The following EXOC1 variants were observed in gnomAD, a reference collection of about 807,000 sequenced individuals.
The protein encoded by EXOC1 is SEC3-like 1.
A neutral mutation model predicts 107.7 loss-of-function variants in EXOC1; 67 were observed. The ratio of observed to expected loss-of-function variants is 0.62; its 90% confidence interval spans 0.51 to 0.76. The LOEUF (loss-of-function observed/expected upper bound fraction) is 0.76, where lower values mean the gene tolerates loss of function less well. EXOC1 is among the 30% of genes least tolerant of loss of function. The pLI, the probability that EXOC1 is intolerant of heterozygous loss-of-function variation, is 0.00. For synonymous variants in EXOC1, 348 were observed against 353.5 expected, an observed-to-expected ratio of 0.98 and a Z score of 0.17; for missense variants, 833 against 1,055.7, an observed-to-expected ratio of 0.79 and a Z score of 2.92.
At chr4:55,877,571 A>G (rs1421924451) in intron 8 of EXOC1, 1 of 985,404 alleles carries the variant, frequency 1.0e-6, no homozygotes, top group African/African-American at 1.7e-5. Context: ...AAGCTATATC[A>G]AGAAGGTCAT....
chr4:55,876,176 A>G (rs1437496803), intron 8 of EXOC1: 2 of 985,308 alleles, frequency 2.0e-6, no homozygotes, highest in African/African-American at 3.5e-5. Context: ...TACAGAAAAG[A>G]TATGGTAGCC....
rs1025746092 is a variant in EXOC1 at position 55,890,371 on chromosome 4, G to A, written c.1524G>A (p.Arg508=). The change falls in exon 12 of 19, where the codon AGG becomes AGA. Residue 508 remains arginine, a synonymous_variant. Transcript: ENST00000381295. ...CCTCTGATCTCGATGTTGCTGACAG[G>A]ACCAAATTTGATAAGGTAAACTAAA... is the stretch of plus-strand genomic sequence containing the variant. The part of the protein sequence containing the change: ...MSASDLDVAD[R]TKFDKIFEQV... The A allele has an allele frequency of 9.9e-6, 16 of 1,613,562 alleles. No homozygotes were observed. The highest frequency in any genetic ancestry group is 1.2e-5 in the Non-Finnish European group (14 of 1,179,854).
At chr4:55,855,678 G>A (rs994968639) in intron 1 of EXOC1, among the ~76,000 whole-genome samples, 1 of 152,172 alleles carries the variant, frequency 6.6e-6, no homozygotes, top group Non-Finnish European at 1.5e-5. Context: ...TTACAGAAAA[G>A]ATGACATTTT....
chr4:55,904,358 A>G lies in EXOC1; in HGVS notation c.2548A>G (p.Met850Val). Reference protein sequence around the residue: ...ENLLQVVWHSMQDEFIRQYKH... With the variant: ...ENLLQVVWHSVQDEFIRQYKH... ...TTAATAATAGGTGGTGTGGCACTCC[A>G]TGCAAGATGAATTTATACGCCAGTA... The change falls in exon 19 of 19, where the codon ATG (methionine) becomes GTG (valine). Residue 850 changes from methionine to valine, a missense_variant. Transcript: ENST00000381295. 2 of 1,608,896 alleles carry G rather than the reference A, an allele frequency of 1.2e-6. No individual in the cohort carries two copies. Among genetic ancestry groups the G allele is most frequent in the Non-Finnish European group, 1.7e-6 (2 of 1,178,542 alleles).
intron 1 of EXOC1, among the ~76,000 whole-genome samples, chr4:55,855,393 C>T (rs1160861832): frequency 6.6e-6 from 1 of 152,072 alleles, no homozygotes; most frequent in Non-Finnish European, 1.5e-5. Context: ...GATTTTGAAC[C>T]TGGACATTTG....
chr4:55,879,505 T>C (rs1362177923), intron 9 of EXOC1, among the ~76,000 whole-genome samples: 1 of 152,098 alleles, frequency 6.6e-6, no homozygotes, highest in Non-Finnish European at 1.5e-5. Context: ...TTGTGGACCA[T>C]GCAAAGATTT....
chr4:55,869,355 C>T (rs1190526992), intron 5 of EXOC1, among the ~76,000 whole-genome samples: 1 of 152,078 alleles, frequency 6.6e-6, no homozygotes, highest in Non-Finnish European at 1.5e-5. Flanking sequence ...GACAGAGTGA[C>T]ACTCTGTCTC....
intron 3 of EXOC1, among the ~76,000 whole-genome samples, chr4:55,862,943 C>G (rs1279867893): frequency 6.6e-6 from 1 of 152,120 alleles, no homozygotes; most frequent in Non-Finnish European, 1.5e-5. Flanking sequence ...CTCTGTCACC[C>G]AGGCTGGAGT....
intron 10 of EXOC1, 97 bp downstream of exon 10, chr4:55,884,025 C>G (rs1723647704): frequency 1.2e-6 from 1 of 836,474 alleles, no homozygotes; most frequent in Non-Finnish European, 1.8e-6. Context: ...GGAGGTAGAT[C>G]CAGCAGAATT....
At chr4:55,878,736 GT>G (rs1435478682) in intron 9 of EXOC1, among the ~76,000 whole-genome samples, 1 of 152,164 alleles carries the variant, frequency 6.6e-6, no homozygotes, top group Non-Finnish European at 1.5e-5. Flanking sequence ...GGAGAGAGAT[GT>G]GCAGACAAAG....
In EXOC1 at chr4:55,883,847, C is replaced by G. The variant is rs748505369; in HGVS notation, c.1249C>G (p.Leu417Val). The G allele has an allele frequency of 5.6e-6, 9 of 1,598,070 alleles. No homozygotes were observed. The highest frequency in any genetic ancestry group is 7.7e-6 in the Non-Finnish European group (9 of 1,172,966). Residue 417 changes from leucine (L) to valine (V), a missense_variant, in exon 10 of 19, where the codon CTA (leucine) becomes GTA (valine). Physicochemically the swap from Leu to Val is conservative, Grantham distance 32 (BLOSUM62 1). Around this residue, in one of 2 missense-constraint regions of EXOC1, gnomAD observed 617 missense variants for 701.3 expected, o/e 0.88. Coordinates refer to ENST00000381295, the MANE Select transcript of EXOC1 (RefSeq NM_001024924.2). Reference protein sequence around the residue: ...TKNYMDYLSRLYEREIKDFFE... With the variant: ...TKNYMDYLSRVYEREIKDFFE... Reference sequence around the variant, plus strand: ...GAATTACATGGATTATTTATCCCGACTATATGAAAGAGAAATCAAAGATTT... The same window carrying G: ...GAATTACATGGATTATTTATCCCGAGTATATGAAAGAGAAATCAAAGATTT...
At position 55,854,897 on chromosome 4, in the gene EXOC1, A is replaced by C. The variant is rs535592914; in HGVS notation, c.-11+944A>C. On this transcript the variant is annotated intron_variant, in intron 1 of 18. Transcript: ENST00000381295. Reference sequence around the variant, plus strand: ...CCTCCCTTCTTTAAGAGAATTCTTGAGATAGAGAAGCTTATGATTTAATGA... The same window carrying C: ...CCTCCCTTCTTTAAGAGAATTCTTGCGATAGAGAAGCTTATGATTTAATGA... Among the ~76,000 whole-genome samples, 266 of 152,338 alleles carry C rather than the reference A, an allele frequency of 1.7e-3. 1 individual carries two copies. The highest frequency in any genetic ancestry group is 6.0e-3 in the African/African-American group (251 of 41,576).
intron 3 of EXOC1, among the ~76,000 whole-genome samples, chr4:55,860,753 T>A (rs1351250911): frequency 1.3e-5 from 2 of 152,186 alleles, no homozygotes; most frequent in African/African-American, 4.8e-5. Flanking sequence ...GTGTTTAGAT[T>A]AAGTATAATT....
At chr4:55,864,482 C>T in intron 4 of EXOC1, 96 bp downstream of exon 4, 4 of 1,081,322 alleles carry the variant, frequency 3.7e-6, no homozygotes, top group Non-Finnish European at 5.2e-6. Context: ...ACTGAATTAT[C>T]TTATCGTAAA....
intron 15 of EXOC1, among the ~76,000 whole-genome samples, chr4:55,896,205 A>G (rs1725182773): frequency 6.6e-6 from 1 of 152,192 alleles, no homozygotes; most frequent in Admixed American, 6.5e-5. Flanking sequence ...GCTGGAGTGC[A>G]GTGGCGCAAT....
In EXOC1 at chr4:55,871,941, A is replaced by G. The variant is rs765589939; in HGVS notation, c.1057A>G (p.Asn353Asp). The stretch of plus-strand genomic sequence containing the variant: ...CCGGAGACTGGCCAGTCACCTCAAC[A>G]ATGTTTTTGTTCAACAGGTAATTTT... ...FARRLASHLN[N>D]VFVQQGHDQS... Residue 353 changes from asparagine (N) to aspartate (D), a missense_variant, in exon 8 of 19, where the codon AAT (asparagine) becomes GAT (aspartate). This residue lies in a region of EXOC1 where 617 missense variants were observed against 701.3 expected (regional missense o/e 0.88). Coordinates refer to ENST00000381295, the MANE Select transcript of EXOC1 (RefSeq NM_001024924.2). The G allele has an allele frequency of 6.2e-6, 10 of 1,613,332 alleles. No homozygotes were observed. The South Asian group carries it at 8.8e-5, about 14-fold the overall frequency.
chr4:55,886,475 C>A (rs945854333), intron 10 of EXOC1, among the ~76,000 whole-genome samples: 2 of 151,496 alleles, frequency 1.3e-5, no homozygotes, highest in African/African-American at 4.9e-5. Context: ...ATCACTTGAG[C>A]CTGAGAGGTC....
chr4:55,857,745 A>G (rs1721132140), intron 1 of EXOC1, among the ~76,000 whole-genome samples: 1 of 152,202 alleles, frequency 6.6e-6, no homozygotes, highest in East Asian at 1.9e-4. Context: ...CCCACCAGCA[A>G]TGTATGAGAG....
At chr4:55,855,294 A>T (rs13143281) in intron 1 of EXOC1, among the ~76,000 whole-genome samples, 1 of 152,066 alleles carries the variant, frequency 6.6e-6, no homozygotes, top group Non-Finnish European at 1.5e-5. Context: ...TGCGAAAAGA[A>T]AGGAATAAAT....
Sources: gnomAD v4.1 joint callset for allele counts (sites outside exome capture counted in the v4.1 genomes callset) on GRCh38, gnomAD v4.1.1 for gene constraint, gnomAD v4.1.1 regional missense constraint, MANE v1.5 for transcripts, NCBI Gene and HGNC (gene_info 2026-07-23, HGNC 2026-07-21) for gene names.